UNC45B: variants seen among roughly 807,000 people sequenced by gnomAD.
UNC45B encodes unc-45 myosin chaperone B.
Under a neutral mutation model 98.7 loss-of-function variants are expected in UNC45B, and 78 were observed. The observed-to-expected ratio is 0.79, with a 90% CI of 0.66 to 0.95. UNC45B has a LOEUF of 0.95. UNC45B is among the 40% of genes least tolerant of loss of function. The pLI, the probability that UNC45B is intolerant of heterozygous loss-of-function variation, is 0.00. For synonymous variants in UNC45B, 462 were observed against 480.4 expected, an observed-to-expected ratio of 0.96 and a Z score of 0.50; for missense variants, 1,225 against 1,184.9, an observed-to-expected ratio of 1.03 and a Z score of -0.50.
chr17:35,159,491 A>G lies in UNC45B; in HGVS notation c.925A>G (p.Arg309Gly). Residue 309 changes from arginine (R) to glycine (G), a missense_variant, in exon 8 of 20, where the codon AGG becomes GGG. Transcript: ENST00000394570. ...ALNLLNKNVP[R>G]KDLAIHDNSR... Reference sequence around the variant, plus strand: ...GAACCTGCTCAATAAGAATGTTCCCAGGAAGGACCTTGCCATTCATGACAA... The same window carrying G: ...GAACCTGCTCAATAAGAATGTTCCCGGGAAGGACCTTGCCATTCATGACAA... 6.2e-7 allele frequency: 1 copy of G among 1,614,172 alleles called. No individual in the cohort carries two copies. Among genetic ancestry groups the G allele is most frequent in the Non-Finnish European group, 8.5e-7 (1 of 1,180,018 alleles).
At chr17:35,173,815 T>A (rs536367605) in intron 13 of UNC45B, among the ~76,000 whole-genome samples, 1 of 40,068 alleles carries the variant, frequency 2.5e-5, no homozygotes, top group Admixed American at 2.5e-4. Context: ...AGGCCATGGA[T>A]TTTTTTTTTT....
At chr17:35,173,656 C>T (rs1290907090) in intron 13 of UNC45B, among the ~76,000 whole-genome samples, 2 of 152,112 alleles carry the variant, frequency 1.3e-5, no homozygotes, top group Non-Finnish European at 2.9e-5. Flanking sequence ...CTCTGATCTT[C>T]CTGCCTCCCT....
intron 9 of UNC45B, among the ~76,000 whole-genome samples, chr17:35,165,484 A>C (rs765348597): frequency 3.3e-5 from 5 of 152,198 alleles, no homozygotes; most frequent in Non-Finnish European, 7.3e-5. Context: ...AAAGCACTCC[A>C]GGTGAGTCTT....
intron 7 of UNC45B, among the ~76,000 whole-genome samples, chr17:35,159,024 A>G (rs2092083015): frequency 6.6e-6 from 1 of 152,210 alleles, no homozygotes; most frequent in South Asian, 2.1e-4. Context: ...CCCCTTCTGG[A>G]AAGCATTTTA....
In UNC45B at chr17:35,154,763, A is replaced by T. The variant is rs779777908; in HGVS notation, c.639+22A>T. On this transcript the variant is annotated intron_variant, in intron 6 of 19. Transcript: ENST00000394570. ...CAGAGTAAGTGCCCGGCTGTGGGGC[A>T]TGTGGAGCAGACGACTGCTGGTCCA... 4 of 1,555,984 alleles carry T rather than the reference A, an allele frequency of 2.6e-6. No individual in the cohort carries two copies. In the East Asian group the frequency reaches 9.3e-5, roughly 36 times the overall value.
chr17:35,175,105 AAAAG>A (rs1386797022), intron 14 of UNC45B, among the ~76,000 whole-genome samples: 266 of 137,810 alleles, frequency 1.9e-3, no homozygotes, highest in Admixed American at 3.5e-3. Flanking sequence ...AAGAAAAAAG[AAAAG>A]AAAGAAAGGG....
Position 35,168,115 on chromosome 17 carries a change from G to A in UNC45B, c.1206G>A (p.Val402=), listed in dbSNP as rs1567761340. 1 of 1,585,880 alleles carries A rather than the reference G, an allele frequency of 6.3e-7. No individual in the cohort carries two copies. The highest frequency in any genetic ancestry group is 8.6e-7 in the Non-Finnish European group (1 of 1,165,490). Residue 402 remains valine (V), a synonymous_variant, in exon 10 of 20, where the codon GTG becomes GTA. Coordinates refer to ENST00000394570, the MANE Select transcript of UNC45B (RefSeq NM_001267052.2). ...MDKNLNAIQT[V]SGILQGPFDL... Reference sequence around the variant, plus strand: ...AGAACTTGAATGCCATCCAGACAGTGTCAGGGATCCTGCAGGGCCCCTTTG... The same window carrying A: ...AGAACTTGAATGCCATCCAGACAGTATCAGGGATCCTGCAGGGCCCCTTTG...
chr17:35,175,984 T>C lies in UNC45B; in HGVS notation c.1975T>C (p.Cys659Arg). 1 of 1,614,102 alleles carries C rather than the reference T, an allele frequency of 6.2e-7. No individual in the cohort carries two copies. The highest frequency in any genetic ancestry group is 8.5e-7 in the Non-Finnish European group (1 of 1,180,010). The change falls in exon 15 of 20, where the codon TGT (cysteine) becomes CGT (arginine). Residue 659 changes from cysteine to arginine, a missense_variant. Cys to Arg is a radical substitution (Grantham distance 180). Coordinates refer to ENST00000394570, the MANE Select transcript of UNC45B (RefSeq NM_001267052.2). ...ELLARVFLAL[C>R]DNPKDRGTIV... ...GTCCCACAGGGTATTCCTGGCACTG[T>C]GTGACAACCCAAAGGACCGAGGCAC...
At chr17:35,165,443 T>C (rs1399922225) in intron 9 of UNC45B, among the ~76,000 whole-genome samples, 2 of 152,148 alleles carry the variant, frequency 1.3e-5, no homozygotes. Context: ...ACTCGGTAGT[T>C]TGGGGTGTGG....
At chr17:35,151,203 C>A in intron 4 of UNC45B, 1 of 300,966 alleles carries the variant, frequency 3.3e-6, no homozygotes, top group Non-Finnish European at 6.5e-6. Context: ...TCTTTTCCTC[C>A]GCTGACAAAT....
intron 18 of UNC45B, among the ~76,000 whole-genome samples, chr17:35,182,584 G>T (rs2092280719): frequency 6.6e-6 from 1 of 152,138 alleles, no homozygotes; most frequent in Non-Finnish European, 1.5e-5. Flanking sequence ...ACCACATCGA[G>T]ATGTGAGAAA....
intron 8 of UNC45B, among the ~76,000 whole-genome samples, chr17:35,160,191 G>C (rs1448133294): frequency 2.0e-5 from 3 of 152,180 alleles, no homozygotes; most frequent in African/African-American, 7.2e-5. Flanking sequence ...TAGTCAAATA[G>C]TCAATTACAT....
intron 13 of UNC45B, among the ~76,000 whole-genome samples, chr17:35,173,323 G>A (rs543239718): frequency 3.3e-5 from 5 of 151,778 alleles, no homozygotes; most frequent in South Asian, 2.1e-4. Flanking sequence ...ACGGGGTTTC[G>A]CCATGTTGCC....
chr17:35,161,245 G>C (rs558504080), intron 8 of UNC45B, among the ~76,000 whole-genome samples: 9 of 152,292 alleles, frequency 5.9e-5, no homozygotes, highest in African/African-American at 2.2e-4. Flanking sequence ...CAGCACTTGG[G>C]TAAAAATAAT....
chr17:35,187,941 A>G lies in UNC45B; in HGVS notation c.*1382A>G, dbSNP rs933137028. On this transcript the variant is annotated 3_prime_UTR_variant, in exon 20 of 20. Transcript: ENST00000394570. ...GACATTCAGATTTACGGTCCTTGAT[A>G]AAAACAATTTACAACGTTCCGTTGT... 2 of 152,230 alleles carry G rather than the reference A, an allele frequency of 1.3e-5. No individual in the cohort carries two copies. Among genetic ancestry groups the G allele is most frequent in the African/African-American group, 2.4e-5 (1 of 41,458 alleles). 9.4% of individuals were successfully genotyped at this position (152,230 alleles called of 1,614,324 possible). A position where few individuals can be genotyped will look rare whatever the true frequency, so the allele number is the denominator to read the frequency against.
Position 35,154,610 on chromosome 17 carries a change from G to A in UNC45B, c.508G>A (p.Ala170Thr), listed in dbSNP as rs552731465. 95 of 1,613,610 alleles carry A rather than the reference G, an allele frequency of 5.9e-5. 1 individual carries two copies. In the South Asian group the frequency reaches 9.9e-4, roughly 17 times the overall value. Residue 170 changes from alanine to threonine, a missense_variant, in exon 6 of 20, where the codon GCA becomes ACA. Coordinates refer to ENST00000394570, the MANE Select transcript of UNC45B (RefSeq NM_001267052.2). Reference protein sequence around the residue: ...NNLIVLGREEAGAEKIFQNNG... With the variant: ...NNLIVLGREETGAEKIFQNNG... ...TCTCATTGTCCTAGGCCGTGAGGAA[G>A]CAGGGGCTGAGAAGATCTTCCAGAA... is the stretch of plus-strand genomic sequence containing the variant.
chr17:35,150,703 C>T (rs898374394), intron 4 of UNC45B, among the ~76,000 whole-genome samples: 5 of 152,088 alleles, frequency 3.3e-5, no homozygotes, highest in African/African-American at 1.2e-4. Flanking sequence ...GAGCTGAGAT[C>T]ATGTGCCATT....
chr17:35,168,842 A>C (rs944096565), intron 10 of UNC45B, among the ~76,000 whole-genome samples: 1 of 151,620 alleles, frequency 6.6e-6, no homozygotes, highest in Non-Finnish European at 1.5e-5. Context: ...GAGTAGCTGG[A>C]ATTACAGACG....
At chr17:35,173,226 A>G (rs2092201468) in intron 13 of UNC45B, among the ~76,000 whole-genome samples, 1 of 151,292 alleles carries the variant, frequency 6.6e-6, no homozygotes. Context: ...CTTGGGCTCA[A>G]GCAATTCTCC....
Sources: allele counts gnomAD v4.1 joint callset (sites outside exome capture counted in the v4.1 genomes callset), GRCh38; gene constraint gnomAD v4.1.1; transcripts MANE v1.5; gene names NCBI Gene and HGNC (gene_info 2026-07-23, HGNC 2026-07-21).